DLG2: variants seen among roughly 807,000 people sequenced by gnomAD.
The protein encoded by DLG2 is discs large MAGUK scaffold protein 2.
In DLG2, 45 loss-of-function variants were observed where a neutral mutation model predicts 132.5. The ratio of observed to expected loss-of-function variants is 0.34; its 90% confidence interval spans 0.27 to 0.44. The LOEUF is 0.44. Ranked by LOEUF, DLG2 falls within the 20% of genes least tolerant of loss-of-function variation. The probability of loss-of-function intolerance (pLI) is 1.00; values close to 1 mark genes in which losing one functional copy is unlikely to be tolerated. For synonymous variants in DLG2, 424 were observed against 419.6 expected (o/e 1.01, Z -0.13); for missense variants, 1,045 against 1,196.9 (o/e 0.87, Z 1.87).
At chr11:84,057,195 A>G (rs2096518491) in intron 11 of DLG2, among the ~76,000 whole-genome samples, 1 of 152,166 alleles carries the variant, frequency 6.6e-6, no homozygotes, top group Non-Finnish European at 1.5e-5. Context: ...GTCAAAAATA[A>G]AGATCTAAAA....
At chr11:84,032,440 C>T (rs985776807) in intron 11 of DLG2, among the ~76,000 whole-genome samples, 1 of 152,154 alleles carries the variant, frequency 6.6e-6, no homozygotes. Flanking sequence ...GAGCAAGGCC[C>T]TAAATCTCTT....
chr11:83,963,852 A>G (rs1242710100), intron 13 of DLG2, among the ~76,000 whole-genome samples: 1 of 151,976 alleles, frequency 6.6e-6, no homozygotes, highest in Non-Finnish European at 1.5e-5. Flanking sequence ...CCCATCTCAG[A>G]TGTTGAAATC....
chr11:85,024,194 T>C (rs533639075), intron 6 of DLG2, among the ~76,000 whole-genome samples: 1 of 152,236 alleles, frequency 6.6e-6, no homozygotes, highest in Admixed American at 6.5e-5. Flanking sequence ...AGTTAAGGCA[T>C]TTGTAAAATG....
chr11:84,124,847 C>CT (rs34177526), intron 9 of DLG2, among the ~76,000 whole-genome samples: 93,151 of 121,216 alleles, frequency 0.77, 36,809 homozygotes, highest in East Asian at 0.97. Context: ...CTTGTTTTCA[C>CT]TTTTTTTTTT....
At chr11:84,428,370 A>G (rs1407803067) in intron 7 of DLG2, among the ~76,000 whole-genome samples, 1 of 152,182 alleles carries the variant, frequency 6.6e-6, no homozygotes, top group African/African-American at 2.4e-5. Context: ...TATATCTACA[A>G]TGGTGGGAGG....
intron 15 of DLG2, among the ~76,000 whole-genome samples, chr11:83,891,031 G>C (rs1336121217): frequency 6.6e-6 from 1 of 152,110 alleles, no homozygotes; most frequent in African/African-American, 2.4e-5. Context: ...ATTAGTTTGA[G>C]GGAATATGCA....
intron 6 of DLG2, among the ~76,000 whole-genome samples, chr11:84,539,311 G>A (rs983643401): frequency 3.9e-5 from 6 of 152,150 alleles, no homozygotes; most frequent in Non-Finnish European, 7.3e-5. Context: ...GGTCTTTAGA[G>A]GACAACTTTA....
chr11:84,904,755 A>C (rs4943902), intron 6 of DLG2, among the ~76,000 whole-genome samples: 70,147 of 151,668 alleles, frequency 0.46, 16,795 homozygotes, highest in South Asian at 0.62. Context: ...TTTATGGAAC[A>C]AAGTTCTTCC....
In DLG2 at chr11:85,383,750, C is replaced by T. The variant is rs910079597; in HGVS notation, c.41-98385G>A. On this transcript the variant is annotated intron_variant, in intron 3 of 27. Coordinates refer to ENST00000376104, the MANE Select transcript of DLG2 (RefSeq NM_001142699.3). ...CAATGCTAGAAATTGCTTCCTTCTGCCTAATAAAGTTATATCTTTTCATCC... is the reference window on the plus strand; with the variant it reads ...CAATGCTAGAAATTGCTTCCTTCTGTCTAATAAAGTTATATCTTTTCATCC... Among the ~76,000 whole-genome samples the T allele has an allele frequency of 2.0e-5, 3 of 152,196 alleles. No individual in the cohort carries two copies. The East Asian group carries it at 5.8e-4, about 29-fold the overall frequency.
At chr11:84,027,371 A>T (rs1258313351) in intron 11 of DLG2, among the ~76,000 whole-genome samples, 1 of 152,130 alleles carries the variant, frequency 6.6e-6, no homozygotes, top group African/African-American at 2.4e-5. Flanking sequence ...ACTTGTGCTC[A>T]TCATTCTTTT....
intron 6 of DLG2, among the ~76,000 whole-genome samples, chr11:84,562,430 C>T (rs2099430374): frequency 6.6e-6 from 1 of 152,136 alleles, no homozygotes; most frequent in African/African-American, 2.4e-5. Flanking sequence ...TACATGAAGG[C>T]TTCTGGGTTT....
intron 7 of DLG2, among the ~76,000 whole-genome samples, chr11:84,518,359 A>C (rs1388635832): frequency 6.6e-6 from 1 of 152,096 alleles, no homozygotes; most frequent in Admixed American, 6.6e-5. Flanking sequence ...AGAAGAAAAT[A>C]CATAGAAAAT....
chr11:85,060,223 A>C (rs989939032), intron 6 of DLG2, among the ~76,000 whole-genome samples: 1 of 151,530 alleles, frequency 6.6e-6, no homozygotes, highest in African/African-American at 2.4e-5. Flanking sequence ...TATTTCACTT[A>C]GTATAATGTC....
chr11:84,233,849 TGA>T (rs1014826533), intron 8 of DLG2, among the ~76,000 whole-genome samples: 5 of 152,202 alleles, frequency 3.3e-5, no homozygotes, highest in Non-Finnish European at 7.3e-5. Context: ...TTGTCATCTG[TGA>T]GACAGTAAAT....
At chr11:85,382,848 T>C (rs1226113858) in intron 3 of DLG2, among the ~76,000 whole-genome samples, 2 of 152,110 alleles carry the variant, frequency 1.3e-5, no homozygotes, top group Non-Finnish European at 2.9e-5. Flanking sequence ...TAAGTTTTGC[T>C]TAAGATATGG....
At chr11:85,448,734 C>A (rs973394797) in intron 3 of DLG2, among the ~76,000 whole-genome samples, 14 of 152,048 alleles carry the variant, frequency 9.2e-5, no homozygotes, top group Non-Finnish European at 1.6e-4. Context: ...GGTTTGGGGA[C>A]CCAATATTCA....
intron 6 of DLG2, among the ~76,000 whole-genome samples, chr11:84,583,660 T>C (rs978439598): frequency 2.0e-5 from 3 of 152,218 alleles, no homozygotes; most frequent in Non-Finnish European, 4.4e-5. Context: ...TTCATTCTTG[T>C]ATCTCTGTAT....
At chr11:85,025,079 T>C (rs2060402114) in intron 6 of DLG2, among the ~76,000 whole-genome samples, 1 of 152,226 alleles carries the variant, frequency 6.6e-6, no homozygotes, top group Admixed American at 6.5e-5. Context: ...GCATGCTTAG[T>C]TGTGAATGAA....
intron 7 of DLG2, among the ~76,000 whole-genome samples, chr11:84,277,309 T>C (rs1456703976): frequency 1.3e-5 from 2 of 152,172 alleles, no homozygotes; most frequent in African/African-American, 2.4e-5. Flanking sequence ...TTTACCAAGA[T>C]AGAACATATT....
Sources: gnomAD v4.1 joint callset for allele counts (sites outside exome capture counted in the v4.1 genomes callset) on GRCh38, gnomAD v4.1.1 for gene constraint, MANE v1.5 for transcripts, NCBI Gene and HGNC (gene_info 2026-07-23, HGNC 2026-07-21) for gene names.